NF1: variants seen among roughly 807,000 people sequenced by gnomAD.
NF1 encodes the protein neurofibromin.
A neutral mutation model predicts 325.7 loss-of-function variants in NF1; 122 were observed. That is an observed-to-expected ratio of 0.37 (90% CI 0.32 to 0.44). The LOEUF (loss-of-function observed/expected upper bound fraction) is 0.44. Ranked by LOEUF, NF1 falls within the 20% of genes least tolerant of loss-of-function variation. NF1 has a pLI of 1.00. For synonymous variants in NF1, 1,091 were observed against 1,186.0 expected (o/e 0.92, Z 1.65); for missense variants, 2,140 against 3,415.4 (o/e 0.63, Z 9.31).
intron 8 of NF1, among the ~76,000 whole-genome samples, chr17:31,193,146 G>A (rs1442001755): frequency 6.6e-6 from 1 of 152,152 alleles, no homozygotes; most frequent in Non-Finnish European, 1.5e-5. Flanking sequence ...TAGACCAGCA[G>A]CATCAGCGTC....
At chr17:31,205,364 G>A (rs1455979377) in intron 11 of NF1, among the ~76,000 whole-genome samples, 1 of 152,002 alleles carries the variant, frequency 6.6e-6, no homozygotes, top group African/African-American at 2.4e-5. Context: ...TAAATTAGAA[G>A]CCTACATTTT....
intron 1 of NF1, among the ~76,000 whole-genome samples, chr17:31,099,202 G>A (rs1233232237): frequency 6.6e-6 from 1 of 152,128 alleles, no homozygotes; most frequent in African/African-American, 2.4e-5. Context: ...TCTAGCCACT[G>A]CTGATTACAG....
intron 27 of NF1, among the ~76,000 whole-genome samples, chr17:31,233,621 T>C (rs574132479): frequency 9.2e-5 from 14 of 152,344 alleles, no homozygotes; most frequent in African/African-American, 3.4e-4. Context: ...ATTTAAGCAC[T>C]ATATTTGCAT....
intron 47 of NF1, among the ~76,000 whole-genome samples, chr17:31,341,349 C>A (rs1389078352): frequency 6.6e-6 from 1 of 151,942 alleles, no homozygotes; most frequent in Non-Finnish European, 1.5e-5. Flanking sequence ...ACTTGCAAAA[C>A]CCCATCTCTA....
At chr17:31,149,520 G>T (rs541983253) in intron 1 of NF1, among the ~76,000 whole-genome samples, 2 of 152,120 alleles carry the variant, frequency 1.3e-5, no homozygotes, top group Non-Finnish European at 2.9e-5. Context: ...GGCTGGTCTC[G>T]ATTGCCTGCC....
At chr17:31,304,789 G>A (rs1256372921) in intron 36 of NF1, 2 of 1,613,852 alleles carry the variant, frequency 1.2e-6, no homozygotes, top group Non-Finnish European at 1.7e-6. Flanking sequence ...TGGTTTCCAG[G>A]GTGTAAGTGA....
Position 31,229,192 on chromosome 17 carries a change from C to A in NF1, c.2577C>A (p.Gly859=), listed in dbSNP as rs746208651. 6.2e-7 allele frequency: 1 copy of A among 1,611,946 alleles called. No homozygotes were observed. Among genetic ancestry groups the A allele is most frequent in the Non-Finnish European group, 8.5e-7 (1 of 1,179,824 alleles). ...GCCTCCAGCAGAGAAGCAATTCTGG[C>A]CTGGCAACCTATAGCCCACCCATGG... ...GVCLQQRSNS[G]LATYSPPMGP... is the part of the protein sequence containing the mutation. The change falls in exon 21 of 58, where the codon GGC becomes GGA. Residue 859 remains glycine, a synonymous_variant. Transcript: ENST00000358273.
At chr17:31,098,258 A>G (rs1164450039) in intron 1 of NF1, among the ~76,000 whole-genome samples, 3 of 151,958 alleles carry the variant, frequency 2.0e-5, no homozygotes, top group African/African-American at 7.2e-5. Context: ...ATCTAATAAG[A>G]GCTTCAGTAT....
chr17:31,356,975 C>G lies in NF1; in HGVS notation c.7754C>G (p.Ser2585Cys), dbSNP rs781717481. The change falls in exon 53 of 58, where the codon TCC (serine) becomes TGC (cysteine). Residue 2585 changes from serine to cysteine, a missense_variant. Physicochemically the swap from Ser to Cys is moderately radical, Grantham distance 112. Transcript: ENST00000358273. ...TDYEMETQRISSSQQHPHLRK... is the reference protein window; with the variant it reads ...TDYEMETQRICSSQQHPHLRK... ...CTTGCTGCAGAAACTCAGAGGATTT[C>G]CTCATCACAACAGCACCCACATTTA... is the stretch of plus-strand genomic sequence containing the variant. The G allele has an allele frequency of 6.2e-7, 1 of 1,613,906 alleles. No individual in the cohort carries two copies. The highest frequency in any genetic ancestry group is 1.1e-5 in the South Asian group (1 of 91,076).
chr17:31,356,740 C>T (rs1370151854), intron 52 of NF1, 158 bp downstream of exon 52: 1 of 1,222,828 alleles, frequency 8.2e-7, no homozygotes, highest in Admixed American at 2.6e-5. Context: ...AGACAGTTAT[C>T]TTGAAGCTTG....
At chr17:31,273,806 A>T (rs924868178) in intron 36 of NF1, among the ~76,000 whole-genome samples, 3 of 152,204 alleles carry the variant, frequency 2.0e-5, no homozygotes, top group Non-Finnish European at 2.9e-5. Context: ...TAAAGTTCTA[A>T]AATCTGCTTG....
chr17:31,152,024 C>T (rs933679986), intron 1 of NF1, among the ~76,000 whole-genome samples: 5 of 151,978 alleles, frequency 3.3e-5, no homozygotes, highest in Non-Finnish European at 5.9e-5. Context: ...TAATGCTATT[C>T]CTCCCCCCTC....
chr17:31,177,445 C>T (rs989785756), intron 5 of NF1, among the ~76,000 whole-genome samples: 5 of 149,272 alleles, frequency 3.3e-5, no homozygotes, highest in East Asian at 3.9e-4. Flanking sequence ...GAAAAAAAAA[C>T]GAGCACGCCT....
rs760256377 is a variant in NF1 at position 31,223,497 on chromosome 17, G to A, written c.1775G>A (p.Ser592Asn). Reference protein sequence around the residue: ...CKKLTSHQMLSSTEILKWLRE... With the variant: ...CKKLTSHQMLNSTEILKWLRE... The stretch of plus-strand genomic sequence containing the variant: ...AAATTAACTAGTCATCAAATGCTTA[G>A]TAGCACAGAAATTCTCAAGTGGTTG... The change falls in exon 16 of 58, where the codon AGT becomes AAT. Residue 592 changes from serine (S) to asparagine (N), a missense_variant. Coordinates refer to ENST00000358273, the MANE Select transcript of NF1 (RefSeq NM_001042492.3). The A allele has an allele frequency of 6.2e-7, 1 of 1,613,112 alleles. No homozygotes were observed. The highest frequency in any genetic ancestry group is 8.5e-7 in the Non-Finnish European group (1 of 1,179,300).
chr17:31,095,398 G>A, intron 1 of NF1, 29 bp downstream of exon 1: 1 of 1,535,380 alleles, frequency 6.5e-7, no homozygotes, highest in Non-Finnish European at 8.7e-7. Context: ...GCGGGAGGTG[G>A]GAGCGGAGTG....
intron 57 of NF1, among the ~76,000 whole-genome samples, chr17:31,363,452 T>C (rs1433157643): frequency 6.7e-6 from 1 of 150,006 alleles, no homozygotes. Context: ...TTTTTTTTTT[T>C]TTTGAGACAG....
chr17:31,349,079 A>T (rs2070070855), intron 48 of NF1, 41 bp from the exon 49 acceptor site: 1 of 1,549,044 alleles, frequency 6.5e-7, no homozygotes, highest in Admixed American at 2.0e-5. Context: ...CAAAAAATTA[A>T]TTCTTACTTG....
chr17:31,169,913 T>G lies in NF1; in HGVS notation c.502T>G (p.Ser168Ala). 6.2e-7 allele frequency: 1 copy of G among 1,605,934 alleles called. No homozygotes were observed. The highest frequency in any genetic ancestry group is 1.1e-5 in the South Asian group (1 of 90,990). The change falls in exon 5 of 58, where the codon TCA becomes GCA. Residue 168 changes from serine to alanine, a missense_variant. This residue lies in a region of NF1 where 246 missense variants were observed against 347.8 expected (regional missense o/e 0.71). Coordinates refer to ENST00000358273, the MANE Select transcript of NF1 (RefSeq NM_001042492.3). ...STRLQELTVC[S>A]EDNVDVHDIE... ...TAGGTTACAGGAATTAACTGTTTGT[T>G]CAGAAGACAATGTTGATGTTCATGA...
intron 16 of NF1, among the ~76,000 whole-genome samples, chr17:31,224,148 G>T (rs1189494906): frequency 6.6e-6 from 1 of 152,110 alleles, no homozygotes; most frequent in East Asian, 1.9e-4. Context: ...TCCAATAAGG[G>T]TTTCACCTCT....
Sources: gnomAD v4.1 joint callset for allele counts (sites outside exome capture counted in the v4.1 genomes callset) on GRCh38, gnomAD v4.1.1 for gene constraint, gnomAD v4.1.1 regional missense constraint, MANE v1.5 for transcripts, NCBI Gene and HGNC (gene_info 2026-07-23, HGNC 2026-07-21) for gene names.